Variants in ESF1 observed in about 807,000 individuals in gnomAD.
ESF1 encodes the protein ESF1 homolog.
A neutral mutation model predicts 92.0 loss-of-function variants in ESF1; 58 were observed. That is an observed-to-expected ratio of 0.63 (90% confidence interval 0.51 to 0.78). The LOEUF is 0.78. Ranked by LOEUF, ESF1 falls within the 30% of genes least tolerant of loss-of-function variation. The pLI is 0.00. For synonymous variants in ESF1, 321 were observed against 313.7 expected, an observed-to-expected ratio of 1.02 and a Z score of -0.24; for missense variants, 922 against 989.1, an observed-to-expected ratio of 0.93 and a Z score of 0.91.
At chr20:13,770,202 C>T (rs908655118) in intron 6 of ESF1, among the ~76,000 whole-genome samples, 181 bp from the exon 7 acceptor site, 6 of 152,108 alleles carry the variant, frequency 3.9e-5, no homozygotes, top group African/African-American at 1.4e-4. Flanking sequence ...GTATAAATTT[C>T]TGAAATTCAT....
intron 9 of ESF1, among the ~76,000 whole-genome samples, chr20:13,747,019 G>A (rs572132380): frequency 5.9e-5 from 9 of 152,254 alleles, no homozygotes; most frequent in Non-Finnish European, 1.3e-4. Context: ...TAGAGAAAAC[G>A]GAGGAAGCAA....
chr20:13,766,109 C>A (rs1393655492), intron 8 of ESF1, among the ~76,000 whole-genome samples: 1 of 152,062 alleles, frequency 6.6e-6, no homozygotes, highest in African/African-American at 2.4e-5. Flanking sequence ...ACAGAGACAA[C>A]AGATTAAAAA....
intron 9 of ESF1, among the ~76,000 whole-genome samples, chr20:13,756,427 C>T: frequency 6.6e-6 from 1 of 152,172 alleles, no homozygotes; most frequent in East Asian, 1.9e-4. Flanking sequence ...GACGATAATT[C>T]CGTGAAACTG....
intron 2 of ESF1, among the ~76,000 whole-genome samples, chr20:13,779,029 G>T (rs1243117555): frequency 6.6e-6 from 1 of 152,214 alleles, no homozygotes; most frequent in Non-Finnish European, 1.5e-5. Context: ...CTGGGCAGCA[G>T]AGCGAGACCC....
At chr20:13,763,157 G>A (rs1055790372) in intron 8 of ESF1, among the ~76,000 whole-genome samples, 7 of 151,960 alleles carry the variant, frequency 4.6e-5, no homozygotes, top group African/African-American at 9.7e-5. Flanking sequence ...TGCCGTGCCC[G>A]GCCTATTTAT....
chr20:13,780,224 G>A (rs533685375), intron 2 of ESF1, among the ~76,000 whole-genome samples: 3 of 152,236 alleles, frequency 2.0e-5, no homozygotes, highest in East Asian at 1.9e-4. Context: ...AATCTTGTTC[G>A]CTGATACAGT....
At chr20:13,726,165 C>T (rs1388337000) in intron 11 of ESF1, among the ~76,000 whole-genome samples, 2 of 152,180 alleles carry the variant, frequency 1.3e-5, no homozygotes, top group Non-Finnish European at 2.9e-5. Context: ...AAACTGTTCT[C>T]TTCACAGGCA....
At chr20:13,733,894 C>A in intron 9 of ESF1, 52 bp from the exon 10 acceptor site, 1 of 1,538,762 alleles carries the variant, frequency 6.5e-7, no homozygotes, top group South Asian at 1.3e-5. Context: ...GTCTGGCAAT[C>A]ACTTAAACAT....
At chr20:13,737,484 C>T (rs575648338) in intron 9 of ESF1, among the ~76,000 whole-genome samples, 3 of 152,266 alleles carry the variant, frequency 2.0e-5, no homozygotes, top group South Asian at 2.1e-4. Flanking sequence ...GTACTATAAT[C>T]GGCTTTGGTT....
intron 9 of ESF1, among the ~76,000 whole-genome samples, chr20:13,734,461 T>C (rs574693076): frequency 6.6e-6 from 1 of 152,318 alleles, no homozygotes; most frequent in East Asian, 1.9e-4. Flanking sequence ...CATTTCATCA[T>C]ATGGTTTAGC....
chr20:13,751,800 G>C (rs1290745085), intron 9 of ESF1, among the ~76,000 whole-genome samples: 1 of 151,986 alleles, frequency 6.6e-6, no homozygotes, highest in Non-Finnish European at 1.5e-5. Context: ...TCAAGAGATC[G>C]GCCAGCCAAC....
intron 10 of ESF1, 30 bp from the exon 11 acceptor site, chr20:13,728,495 T>C (rs778650181): frequency 1.5e-5 from 22 of 1,452,650 alleles, no homozygotes; most frequent in Middle Eastern, 2.1e-4. Context: ...AATACAAAAT[T>C]TCATTATTAC....
At chr20:13,748,963 T>C (rs1000549012) in intron 9 of ESF1, among the ~76,000 whole-genome samples, 2 of 152,162 alleles carry the variant, frequency 1.3e-5, no homozygotes, top group Non-Finnish European at 2.9e-5. Context: ...AAAATTCCCC[T>C]GTTTACAGCA....
intron 9 of ESF1, among the ~76,000 whole-genome samples, chr20:13,738,412 C>T (rs527694125): frequency 1.3e-5 from 2 of 151,704 alleles, no homozygotes; most frequent in Non-Finnish European, 2.9e-5. Flanking sequence ...GTCCCAGGCT[C>T]AAGCAATCTT....
chr20:13,729,553 A>G (rs935260682), intron 10 of ESF1, among the ~76,000 whole-genome samples: 3 of 152,250 alleles, frequency 2.0e-5, no homozygotes, highest in Admixed American at 1.3e-4. Flanking sequence ...TTTCTCTCAT[A>G]AAACTGAAAA....
rs1195337804 is a variant in ESF1, at chr20:13,770,013, G to T, written c.1412C>A (p.Pro471Gln). ...CTCATCATCAAAAGTAATATCATCT[G>T]GTATAAACCTAAGAAGTAAAGAAAA... ...SCSFIDLRFI[P>Q]DDITFDDEPK... is the part of the protein sequence containing the mutation. The change falls in exon 7 of 14, where the codon CCA (proline) becomes CAA (glutamine). Residue 471 changes from proline to glutamine, a missense_variant. Physicochemically the swap from Pro to Gln is moderately conservative, Grantham distance 76. Transcript: ENST00000617257. 1.1e-5 allele frequency: 17 copies of T among 1,594,300 alleles called. No individual in the cohort carries two copies. Among genetic ancestry groups the T allele is most frequent in the Non-Finnish European group, 1.3e-5 (15 of 1,170,494 alleles).
In ESF1 at chr20:13,759,825, ATCT is replaced by A. The variant is rs1362565176; in HGVS notation, c.1692_1694del (p.Glu564del). The A allele has an allele frequency of 6.9e-6, 11 of 1,598,848 alleles. No individual in the cohort carries two copies. Among genetic ancestry groups the A allele is most frequent in the East Asian group, 2.3e-5 (1 of 44,106 alleles). On this transcript the variant is annotated inframe_deletion, in exon 9 of 14. Coordinates refer to ENST00000617257, the MANE Select transcript of ESF1 (RefSeq NM_001276380.2). ...CCTTCTGACTTTTCTTTGTTTTCCC[ATCT>A]TCTTCTACATTGACTCCATCATCAC...
chr20:13,759,266 C>T (rs1036914089), intron 9 of ESF1, among the ~76,000 whole-genome samples: 9 of 152,092 alleles, frequency 5.9e-5, no homozygotes, highest in African/African-American at 1.7e-4. Context: ...TTTGACTATT[C>T]GCAGCAAGAT....
chr20:13,747,336 G>A (rs1354056627), intron 9 of ESF1, among the ~76,000 whole-genome samples: 1 of 151,700 alleles, frequency 6.6e-6, no homozygotes, highest in East Asian at 1.9e-4. Flanking sequence ...TGAGGCAGGC[G>A]GATCACGAGG....
Sources: allele counts gnomAD v4.1 joint callset (sites outside exome capture counted in the v4.1 genomes callset), GRCh38; gene constraint gnomAD v4.1.1; transcripts MANE v1.5; gene names NCBI Gene and HGNC (gene_info 2026-07-23, HGNC 2026-07-21).